LEKR1: variants seen among roughly 807,000 people sequenced by gnomAD.
The protein encoded by LEKR1 is protein LEKR1.
In LEKR1, 59 loss-of-function variants were observed where a neutral mutation model predicts 72.4. That is an observed-to-expected ratio of 0.82 (90% confidence interval 0.66 to 1.01). The LOEUF is 1.01. Ranked by LOEUF, LEKR1 falls within the 50% of genes least tolerant of loss-of-function variation. The probability of loss-of-function intolerance (pLI) is 0.00; values close to 1 mark genes in which losing one functional copy is unlikely to be tolerated. For missense variants in LEKR1, 728 were observed against 759.2 expected, an observed-to-expected ratio of 0.96 and a Z score of 0.48; for synonymous variants, 257 against 263.2, an observed-to-expected ratio of 0.98 and a Z score of 0.23.
At chr3:156,832,900 G>A (rs1271727796) in intron 2 of LEKR1, among the ~76,000 whole-genome samples, 1 of 152,144 alleles carries the variant, frequency 6.6e-6, no homozygotes, top group African/African-American at 2.4e-5. Flanking sequence ...GTTGTGTCCT[G>A]TTGCAAAAAA....
chr3:156,855,669 G>T (rs1257881688), intron 3 of LEKR1, among the ~76,000 whole-genome samples: 1 of 151,970 alleles, frequency 6.6e-6, no homozygotes, highest in African/African-American at 2.4e-5. Context: ...TCTTTTAGTT[G>T]CAAACAATGG....
rs1001771017 is a variant in LEKR1 at position 156,936,469 on chromosome 3, C to A, written c.560-6060C>A. On this transcript the variant is annotated intron_variant, in intron 5 of 12. Transcript: ENST00000356539. ...CACACACACACACACACACACACCC[C>A]CCGTATGCCTAGCAGAATAAGGAAG... Among the ~76,000 whole-genome samples the A allele has an allele frequency of 4.3e-3, 524 of 122,824 alleles. 4 individuals are homozygous for A. Among genetic ancestry groups the A allele is most frequent in the African/African-American group, 0.023 (500 of 21,974 alleles). The allele number at this position is 122,824 out of a possible 152,430, so 80.6% of individuals were successfully genotyped here. A position where few individuals can be genotyped will look rare whatever the true frequency, so the allele number is the denominator to read the frequency against.
chr3:156,829,289 T>A lies in LEKR1; in HGVS notation c.-41T>A. Reference sequence around the variant, plus strand: ...CTGTTGCCATCAATGTTCTTAGATTTCCTTTGGCTTCAAAGCTCTCTCACC... The same window carrying A: ...CTGTTGCCATCAATGTTCTTAGATTACCTTTGGCTTCAAAGCTCTCTCACC... On this transcript the variant is annotated 5_prime_UTR_variant, in exon 2 of 13. Coordinates refer to ENST00000356539, the MANE Select transcript of LEKR1 (RefSeq NM_001004316.3). 3 of 1,288,574 alleles carry A rather than the reference T, an allele frequency of 2.3e-6. No homozygotes were observed. The highest frequency in any genetic ancestry group is 3.2e-6 in the Non-Finnish European group (3 of 924,234). 79.8% of individuals were successfully genotyped at this position (1,288,574 alleles called of 1,614,324 possible).
At position 157,042,668 on chromosome 3, in the gene LEKR1, A is replaced by G. The variant is rs114206557; in HGVS notation, c.1669-2672A>G. On this transcript the variant is annotated intron_variant, in intron 12 of 12. Coordinates refer to ENST00000356539, the MANE Select transcript of LEKR1 (RefSeq NM_001004316.3). ...TTTGAGACTTGAATTTAATCTTAGTAAATTGATTGAATTTATTTTTCTTTT... is the reference window on the plus strand; with the variant it reads ...TTTGAGACTTGAATTTAATCTTAGTGAATTGATTGAATTTATTTTTCTTTT... Among the ~76,000 whole-genome samples, 1,200 of 152,262 alleles carry G rather than the reference A, an allele frequency of 7.9e-3. 34 individuals carry two copies. In the East Asian group the frequency reaches 0.08, roughly 10 times the overall value.
At chr3:157,044,958 A>G (rs576385756) in intron 12 of LEKR1, among the ~76,000 whole-genome samples, 20 of 152,340 alleles carry the variant, frequency 1.3e-4, no homozygotes, top group African/African-American at 4.1e-4. Context: ...ATTGAGTATT[A>G]CATGTGCAGA....
chr3:156,863,194 G>A (rs970183484), intron 3 of LEKR1, among the ~76,000 whole-genome samples: 14 of 151,992 alleles, frequency 9.2e-5, no homozygotes, highest in African/African-American at 3.1e-4. Flanking sequence ...GGAAGTCTAA[G>A]CGAGATAATT....
At chr3:156,979,510 C>G (rs1729992422) in intron 7 of LEKR1, 1 of 207,700 alleles carries the variant, frequency 4.8e-6, no homozygotes, top group African/African-American at 2.3e-5. Context: ...TGGAGGATTT[C>G]TTTCTCTCAA....
chr3:156,901,000 T>A (rs993059520), intron 3 of LEKR1, among the ~76,000 whole-genome samples: 1 of 152,254 alleles, frequency 6.6e-6, no homozygotes. Context: ...ATTATTAAAA[T>A]TTTTTAAAGA....
At chr3:156,957,498 C>A (rs1727753140) in intron 6 of LEKR1, among the ~76,000 whole-genome samples, 1 of 151,414 alleles carries the variant, frequency 6.6e-6, no homozygotes, top group South Asian at 2.1e-4. Context: ...CCCAACACAT[C>A]TTTCAAGATT....
At position 157,045,453 on chromosome 3, in the gene LEKR1, T is replaced by C. The variant is rs754258516; in HGVS notation, c.1782T>C (p.Ser594=). Reference sequence around the variant, plus strand: ...TGGAGCTCAGTAAGCTTCGTGGAAGTTTACCATTCTCACCGTGTTCCCTCA... The same window carrying C: ...TGGAGCTCAGTAAGCTTCGTGGAAGCTTACCATTCTCACCGTGTTCCCTCA... ...QLLELSKLRG[S]LPFSPCSLSK... Residue 594 remains serine, a synonymous_variant, in exon 13 of 13, where the codon AGT becomes AGC. Transcript: ENST00000356539. The C allele has an allele frequency of 3.1e-6, 5 of 1,613,892 alleles. No individual in the cohort carries two copies. The Admixed American group carries it at 6.7e-5, about 22-fold the overall frequency.
intron 3 of LEKR1, among the ~76,000 whole-genome samples, chr3:156,857,642 T>C (rs995188088): frequency 6.6e-6 from 1 of 152,206 alleles, no homozygotes; most frequent in Non-Finnish European, 1.5e-5. Context: ...GAAAATTATG[T>C]TGACACTCAA....
intron 3 of LEKR1, among the ~76,000 whole-genome samples, chr3:156,906,439 C>A (rs1576793895): frequency 1.3e-5 from 2 of 152,176 alleles, no homozygotes; most frequent in Admixed American, 6.5e-5. Flanking sequence ...GCAGGACTCT[C>A]TCCACTAGAA....
intron 7 of LEKR1, among the ~76,000 whole-genome samples, chr3:156,989,264 T>C (rs1299968089): frequency 6.6e-6 from 1 of 152,252 alleles, no homozygotes; most frequent in African/African-American, 2.4e-5. Flanking sequence ...CCATAACTTA[T>C]TAACACCTTG....
At chr3:156,938,654 G>A (rs1425276008) in intron 5 of LEKR1, among the ~76,000 whole-genome samples, 2 of 152,130 alleles carry the variant, frequency 1.3e-5, no homozygotes, top group African/African-American at 2.4e-5. Context: ...GATTACAGGC[G>A]TGAGCCACCG....
At chr3:156,900,882 T>C (rs1721962622) in intron 3 of LEKR1, among the ~76,000 whole-genome samples, 1 of 152,224 alleles carries the variant, frequency 6.6e-6, no homozygotes, top group Non-Finnish European at 1.5e-5. Flanking sequence ...GATTCGGCAT[T>C]TATAAATGTA....
chr3:156,835,820 GCTCCCTCCCTCT>G (rs1401092598), intron 2 of LEKR1, among the ~76,000 whole-genome samples: 3 of 131,856 alleles, frequency 2.3e-5, no homozygotes, highest in Non-Finnish European at 4.8e-5. Context: ...TTCCTTCCTC[GCTCCCTCCCTCT>G]CTCCCTCCCC....
chr3:156,978,531 A>ATATC (rs547858385), intron 6 of LEKR1, among the ~76,000 whole-genome samples: 191 of 152,330 alleles, frequency 1.3e-3, no homozygotes, highest in African/African-American at 4.3e-3. Context: ...AAGGACTTAG[A>ATATC]TAATTCAAGC....
rs1221008765 is a variant in LEKR1, at chr3:156,993,062, A to G, written c.906-12A>G. On this transcript the variant is annotated splice_polypyrimidine_tract_variant and intron_variant, in intron 8 of 12. Transcript: ENST00000356539. The stretch of plus-strand genomic sequence containing the variant: ...ATGTATGTTGGTGGGTGTTTTTCCT[A>G]TTTCTTTTTAGGCATACTATGCTGC... 3.3e-6 allele frequency: 5 copies of G among 1,514,292 alleles called. No individual in the cohort carries two copies. Among genetic ancestry groups the G allele is most frequent in the Middle Eastern group, 1.8e-4 (1 of 5,516 alleles). 93.8% of individuals were successfully genotyped at this position (1,514,292 alleles called of 1,614,324 possible). A position where few individuals can be genotyped will look rare whatever the true frequency, so the allele number is the denominator to read the frequency against.
chr3:156,930,921 C>G lies in LEKR1; in HGVS notation c.559+3317C>G, dbSNP rs374956206. ...ACATGAGAATTAATTTAGGATAAATCATAAGCCTAAATGCAAAGGATAAAA... is the reference window on the plus strand; with the variant it reads ...ACATGAGAATTAATTTAGGATAAATGATAAGCCTAAATGCAAAGGATAAAA... On this transcript the variant is annotated intron_variant, in intron 5 of 12. Coordinates refer to ENST00000356539, the MANE Select transcript of LEKR1 (RefSeq NM_001004316.3). 1.7e-4 allele frequency among the ~76,000 whole-genome samples: 26 copies of G among 152,240 alleles called. 1 individual carries two copies. The South Asian group carries it at 5.4e-3, about 32-fold the overall frequency.
Sources: allele counts gnomAD v4.1 joint callset (sites outside exome capture counted in the v4.1 genomes callset), GRCh38; gene constraint gnomAD v4.1.1; transcripts MANE v1.5; gene names NCBI Gene and HGNC (gene_info 2026-07-23, HGNC 2026-07-21).